KLHL1: variants seen among roughly 807,000 people sequenced by gnomAD.
KLHL1 encodes the protein kelch-like protein 1.
KLHL1 carries 47 observed loss-of-function variants against 77.7 expected under a neutral mutation model. The ratio of observed to expected loss-of-function variants is 0.60; its 90% CI spans 0.48 to 0.77. The LOEUF is 0.77. KLHL1 is among the 30% of genes least tolerant of loss of function. The pLI is 0.00. For missense variants in KLHL1, 925 were observed against 910.8 expected (o/e 1.02, Z -0.20); for synonymous variants, 360 against 325.2 (o/e 1.11, Z -1.15).
chr13:69,872,415 C>T (rs1251285135), intron 5 of KLHL1, among the ~76,000 whole-genome samples: 3 of 152,166 alleles, frequency 2.0e-5, no homozygotes, highest in Middle Eastern at 3.2e-3. Context: ...CAGATCCCAG[C>T]AACTTATAGA....
intron 1 of KLHL1, among the ~76,000 whole-genome samples, chr13:70,072,983 C>T (rs989370492): frequency 1.3e-5 from 2 of 152,044 alleles, no homozygotes; most frequent in African/African-American, 2.4e-5. Flanking sequence ...CTAGTTTGAC[C>T]ATTGTGGAAG....
intron 1 of KLHL1, among the ~76,000 whole-genome samples, chr13:69,994,851 G>T (rs1885111400): frequency 6.6e-6 from 1 of 152,082 alleles, no homozygotes; most frequent in Non-Finnish European, 1.5e-5. Flanking sequence ...CAATTATGCA[G>T]TGAATCTAAC....
At chr13:69,716,051 C>T (rs1444901306) in intron 9 of KLHL1, among the ~76,000 whole-genome samples, 1 of 152,060 alleles carries the variant, frequency 6.6e-6, no homozygotes, top group Non-Finnish European at 1.5e-5. Context: ...AAACAAATTT[C>T]TACCAAATTT....
intron 5 of KLHL1, among the ~76,000 whole-genome samples, chr13:69,865,605 G>A (rs80178445): frequency 0.025 from 3,816 of 152,104 alleles, 72 homozygotes; most frequent in Non-Finnish European, 0.039. Context: ...CATGGAGTCC[G>A]TTGCATAAAA....
chr13:69,775,812 C>T (rs756377932), intron 7 of KLHL1, among the ~76,000 whole-genome samples: 12 of 151,710 alleles, frequency 7.9e-5, no homozygotes, highest in South Asian at 4.2e-4. Context: ...TTCCACGTCA[C>T]GGAAAGGGGC....
At chr13:69,948,111 G>A (rs771685695) in intron 3 of KLHL1, among the ~76,000 whole-genome samples, 24 of 151,960 alleles carry the variant, frequency 1.6e-4, no homozygotes, top group Non-Finnish European at 3.4e-4. Context: ...AAAATGAAAT[G>A]TTTATAATCT....
At chr13:69,845,704 T>A (rs1879432399) in intron 5 of KLHL1, among the ~76,000 whole-genome samples, 1 of 151,544 alleles carries the variant, frequency 6.6e-6, no homozygotes, top group African/African-American at 2.4e-5. Context: ...TGGAAAATGA[T>A]GATAAAATTT....
intron 7 of KLHL1, among the ~76,000 whole-genome samples, chr13:69,758,571 T>C (rs1329002533): frequency 6.6e-6 from 1 of 152,130 alleles, no homozygotes; most frequent in Non-Finnish European, 1.5e-5. Context: ...AGTCTGTATA[T>C]AGAATTGTCA....
rs147570972 is a variant in KLHL1 at position 69,756,562 on chromosome 13, T to C, written c.1640-16006A>G. Among the ~76,000 whole-genome samples the C allele has an allele frequency of 4.6e-5, 7 of 152,148 alleles. No homozygotes were observed. The East Asian group carries it at 1.4e-3, about 29-fold the overall frequency. On this transcript the variant is annotated intron_variant, in intron 7 of 10. Transcript: ENST00000377844. ...AACACCAAAGTAATAATCACTAAATTCAGAAAGATTTTAGTAGAAAAGAAA... is the reference window on the plus strand; with the variant it reads ...AACACCAAAGTAATAATCACTAAATCCAGAAAGATTTTAGTAGAAAAGAAA...
At chr13:69,751,269 G>T (rs1265238527) in intron 7 of KLHL1, among the ~76,000 whole-genome samples, 1 of 151,890 alleles carries the variant, frequency 6.6e-6, no homozygotes, top group Non-Finnish European at 1.5e-5. Flanking sequence ...GCATTTCATG[G>T]ATTCATTCTT....
Position 69,740,471 on chromosome 13 carries a change from T to TGGATCCCAC in KLHL1, c.1716_1724dup (p.Trp573_Pro575dup). 1 of 1,613,296 alleles carries TGGATCCCAC rather than the reference T, an allele frequency of 6.2e-7. No individual in the cohort carries two copies. Among genetic ancestry groups the TGGATCCCAC allele is most frequent in the Non-Finnish European group, 8.5e-7 (1 of 1,179,396 alleles). ...CTACAAATGTCCATTGTTGACTCTGTGGATCCCACCTTTCCACTGTATTCA... is the reference window on the plus strand; with the variant it reads ...CTACAAATGTCCATTGTTGACTCTGTGGATCCCACGGATCCCACCTTTCCACTGTATTCA... On this transcript the variant is annotated inframe_insertion, in exon 8 of 11. Transcript: ENST00000377844.
chr13:70,076,986 A>C (rs1426087400), intron 1 of KLHL1, among the ~76,000 whole-genome samples: 1 of 152,028 alleles, frequency 6.6e-6, no homozygotes, highest in Non-Finnish European at 1.5e-5. Flanking sequence ...AATTCTAGTA[A>C]TGGTGTGGAG....
At chr13:69,804,879 A>C (rs1490615760) in intron 6 of KLHL1, among the ~76,000 whole-genome samples, 1 of 152,134 alleles carries the variant, frequency 6.6e-6, no homozygotes, top group African/African-American at 2.4e-5. Context: ...TGCATTTTGG[A>C]ATAGTTTAAA....
At chr13:70,016,975 T>C (rs1885674918) in intron 1 of KLHL1, among the ~76,000 whole-genome samples, 3 of 152,164 alleles carry the variant, frequency 2.0e-5, no homozygotes, top group African/African-American at 7.2e-5. Context: ...CTACCCACTG[T>C]GGGTCCCCTC....
chr13:69,849,352 T>A (rs1030024389), intron 5 of KLHL1, among the ~76,000 whole-genome samples: 2 of 151,514 alleles, frequency 1.3e-5, no homozygotes, highest in Non-Finnish European at 3.0e-5. Flanking sequence ...AATATAACTC[T>A]TTTTAATCTA....
At chr13:69,769,229 A>T (rs1021204134) in intron 7 of KLHL1, among the ~76,000 whole-genome samples, 1 of 152,230 alleles carries the variant, frequency 6.6e-6, no homozygotes, top group East Asian at 1.9e-4. Context: ...TTCTCTAGGC[A>T]GGGACTAAAA....
chr13:70,047,693 C>A (rs1025195699), intron 1 of KLHL1, among the ~76,000 whole-genome samples: 1 of 152,146 alleles, frequency 6.6e-6, no homozygotes, highest in African/African-American at 2.4e-5. Flanking sequence ...GCTAAATACA[C>A]AAACTGAATT....
Position 70,080,335 on chromosome 13 carries a change from C to G in KLHL1, c.497+26868G>C, listed in dbSNP as rs545216269. Among the ~76,000 whole-genome samples, 10 of 152,162 alleles carry G rather than the reference C, an allele frequency of 6.6e-5. No homozygotes were observed. The South Asian group carries it at 2.1e-3, about 32-fold the overall frequency. On this transcript the variant is annotated intron_variant, in intron 1 of 10. Coordinates refer to ENST00000377844, the MANE Select transcript of KLHL1 (RefSeq NM_020866.3). ...TGACCACAGGATCATTTATACTTCCCCAAATGAAATCATAAATGCAGAAAA... is the reference window on the plus strand; with the variant it reads ...TGACCACAGGATCATTTATACTTCCGCAAATGAAATCATAAATGCAGAAAA...
chr13:69,724,946 T>G (rs1396203688), intron 8 of KLHL1, among the ~76,000 whole-genome samples: 1 of 152,196 alleles, frequency 6.6e-6, no homozygotes, highest in Non-Finnish European at 1.5e-5. Flanking sequence ...TTACATCTGC[T>G]CTACTTATTT....
Sources: allele counts gnomAD v4.1 joint callset (sites outside exome capture counted in the v4.1 genomes callset), GRCh38; gene constraint gnomAD v4.1.1; transcripts MANE v1.5; gene names NCBI Gene and HGNC (gene_info 2026-07-23, HGNC 2026-07-21).